The following EVL variants were observed in gnomAD, a reference collection of about 807,000 sequenced individuals.
EVL encodes the protein ena/VASP-like protein.
A neutral mutation model predicts 59.6 loss-of-function variants in EVL; 21 were observed. That is an observed-to-expected ratio of 0.35 (90% CI 0.25 to 0.51). The LOEUF is 0.51. Ranked by LOEUF, EVL falls within the 20% of genes least tolerant of loss-of-function variation. EVL has a pLI of 0.97. For missense variants in EVL, 462 were observed against 546.6 expected, an observed-to-expected ratio of 0.85 and a Z score of 1.54; for synonymous variants, 198 against 203.5, an observed-to-expected ratio of 0.97 and a Z score of 0.23.
chr14:100,097,773 T>G lies in EVL; in HGVS notation c.358+115T>G, dbSNP rs1885921855. 3.1e-6 allele frequency: 3 copies of G among 975,692 alleles called. No individual in the cohort carries two copies. The African/African-American group carries it at 4.9e-5, about 16-fold the overall frequency. The allele number at this position is 975,692 out of a possible 1,614,324, so 60.4% of individuals were successfully genotyped here. ...CACTGTCACTGCATTGAGCTGAGGT[T>G]GCATGTGTTCTCAGAGAAACCTGCT... On this transcript the variant is annotated intron_variant, in intron 3 of 13. Transcript: ENST00000392920.
intron 1 of EVL, among the ~76,000 whole-genome samples, chr14:100,028,821 A>G (rs2061264700): frequency 6.6e-6 from 1 of 152,178 alleles, no homozygotes; most frequent in African/African-American, 2.4e-5. Context: ...AAAAAAATCT[A>G]TTCTTCATTA....
chr14:99,976,393 A>G (rs2060770423), intron 1 of EVL, among the ~76,000 whole-genome samples: 1 of 152,070 alleles, frequency 6.6e-6, no homozygotes, highest in African/African-American at 2.4e-5. Flanking sequence ...CTATCTGCCA[A>G]AATTATCAGT....
chr14:99,989,786 TA>T (rs1256865327), intron 1 of EVL, among the ~76,000 whole-genome samples: 2 of 152,188 alleles, frequency 1.3e-5, no homozygotes, highest in African/African-American at 4.8e-5. Context: ...TGGCACTCAG[TA>T]AATATCTGTT....
intron 1 of EVL, among the ~76,000 whole-genome samples, chr14:100,001,049 A>C (rs112598671): frequency 6.6e-6 from 1 of 152,078 alleles, no homozygotes; most frequent in African/African-American, 2.4e-5. Flanking sequence ...AAATAGGGGG[A>C]GGAAGGGAGA....
chr14:100,028,895 C>A lies in EVL; in HGVS notation c.6-55792C>A, dbSNP rs1390970222. On this transcript the variant is annotated intron_variant, in intron 1 of 13. Coordinates refer to the EVL transcript ENST00000402714. ...AGGCAGTGTTGTAGATCTAGAGTCC[C>A]AATATCTGGCTCCATTTCCTACAAA... is the stretch of plus-strand genomic sequence containing the variant. Among the ~76,000 whole-genome samples, 5 of 152,274 alleles carry A rather than the reference C, an allele frequency of 3.3e-5. No homozygotes were observed. The East Asian group carries it at 9.6e-4, about 29-fold the overall frequency.
At chr14:100,081,513 CAAA>C (rs34871876) in intron 1 of EVL, among the ~76,000 whole-genome samples, 220 of 122,380 alleles carry the variant, frequency 1.8e-3, no homozygotes, top group African/African-American at 3.6e-3. Flanking sequence ...TTAACAACAG[CAAA>C]AAAAAAAAAA....
At chr14:100,018,592 C>T (rs959062089) in intron 1 of EVL, among the ~76,000 whole-genome samples, 1 of 152,104 alleles carries the variant, frequency 6.6e-6, no homozygotes, top group Non-Finnish European at 1.5e-5. Flanking sequence ...GAGTGAGGGG[C>T]GCTGAGGGCA....
chr14:99,992,422 T>C, intron 1 of EVL, among the ~76,000 whole-genome samples: 1 of 152,252 alleles, frequency 6.6e-6, no homozygotes. Context: ...TTGTTGATTG[T>C]TTTCTTTTGT....
chr14:100,133,512 G>A (rs1888573572), intron 8 of EVL, among the ~76,000 whole-genome samples: 1 of 152,236 alleles, frequency 6.6e-6, no homozygotes, highest in African/African-American at 2.4e-5. Context: ...TCATGCTGGT[G>A]TTACCCTGAG....
intron 1 of EVL, among the ~76,000 whole-genome samples, chr14:100,055,567 T>G (rs953137807): frequency 6.6e-6 from 1 of 152,254 alleles, no homozygotes; most frequent in African/African-American, 2.4e-5. Flanking sequence ...TAGATTGGTA[T>G]AGACTGAAAA....
At chr14:100,097,774 G>T (rs1010123993) in intron 3 of EVL, 116 bp downstream of exon 3, 5 of 959,012 alleles carry the variant, frequency 5.2e-6, no homozygotes, top group Non-Finnish European at 4.5e-6. Context: ...AGCTGAGGTT[G>T]CATGTGTTCT....
chr14:100,043,281 G>A (rs930631941), intron 1 of EVL, among the ~76,000 whole-genome samples: 1 of 149,932 alleles, frequency 6.7e-6, no homozygotes, highest in African/African-American at 2.5e-5. Flanking sequence ...ATATATGTGT[G>A]TGTGTATATA....
intron 4 of EVL, among the ~76,000 whole-genome samples, chr14:100,125,198 G>C (rs1370876649): frequency 2.2e-5 from 2 of 91,686 alleles, no homozygotes; most frequent in African/African-American, 1.2e-4. Flanking sequence ...ACACACACCT[G>C]CCCCAAGACG....
upstream of EVL, among the ~76,000 whole-genome samples, chr14:100,060,971 C>CAA (rs76129316): frequency 0.015 from 1,325 of 88,378 alleles, 23 homozygotes; most frequent in African/African-American, 0.04. Context: ...TGCTGAAAGA[C>CAA]AAAAAAAAAA....
chr14:100,099,179 CAAAAAAAA>C (rs57154685), intron 3 of EVL, among the ~76,000 whole-genome samples: 2 of 51,258 alleles, frequency 3.9e-5, no homozygotes, highest in African/African-American at 6.4e-5. Flanking sequence ...CCTGTCTCTA[CAAAAAAAA>C]AAAAAAAAAA....
At chr14:100,131,517 G>A (rs1888434319) in intron 7 of EVL, among the ~76,000 whole-genome samples, 1 of 152,256 alleles carries the variant, frequency 6.6e-6, no homozygotes, top group African/African-American at 2.4e-5. Context: ...GTGGAGGGCA[G>A]GAGGGAAATG....
At chr14:100,143,025 C>T (rs1000296734) in intron 13 of EVL, among the ~76,000 whole-genome samples, 11 of 152,320 alleles carry the variant, frequency 7.2e-5, no homozygotes, top group Admixed American at 6.5e-4. Context: ...GGCTCTTGGC[C>T]CAGCAAGGTC....
At chr14:100,061,511 G>A (rs1359091614), upstream of EVL, among the ~76,000 whole-genome samples, 1 of 145,776 alleles carries the variant, frequency 6.9e-6, no homozygotes, top group African/African-American at 2.5e-5. Context: ...GCTCGGGGAT[G>A]GATAAAGATT....
chr14:99,981,500 T>C (rs1351592914), intron 1 of EVL, among the ~76,000 whole-genome samples: 1 of 152,212 alleles, frequency 6.6e-6, no homozygotes, highest in Non-Finnish European at 1.5e-5. Flanking sequence ...TAAATCATAT[T>C]GTTTCACATA....
Sources: allele counts gnomAD v4.1 joint callset (sites outside exome capture counted in the v4.1 genomes callset), GRCh38; gene constraint gnomAD v4.1.1; transcripts MANE v1.5; gene names NCBI Gene and HGNC (gene_info 2026-07-23, HGNC 2026-07-21).